PATJ: variants seen among roughly 807,000 people sequenced by gnomAD.
PATJ encodes inaD-like protein.
Under a neutral mutation model 224.9 loss-of-function variants are expected in PATJ, and 190 were observed. The ratio of observed to expected loss-of-function variants is 0.84; its 90% CI spans 0.75 to 0.95. PATJ has a LOEUF of 0.95. Among genes scored for constraint, PATJ ranks in the 40% least tolerant of loss-of-function variants. PATJ has a pLI of 0.00. For missense variants in PATJ, 2,121 were observed against 2,270.3 expected, an observed-to-expected ratio of 0.93 and a Z score of 1.34; for synonymous variants, 769 against 820.3, an observed-to-expected ratio of 0.94 and a Z score of 1.07.
At chr1:61,919,923 A>G (rs1483705974) in intron 26 of PATJ, among the ~76,000 whole-genome samples, 2 of 152,142 alleles carry the variant, frequency 1.3e-5, no homozygotes, top group South Asian at 2.1e-4. Context: ...TATATTTGTG[A>G]TTAAAAAGGA....
Position 62,144,771 on chromosome 1 carries a change from A to ATATATATATATAT in PATJ, c.5272-3513_5272-3512insTATATATATATAT, listed in dbSNP as rs1439255158. Among the ~76,000 whole-genome samples, 687 of 73,212 alleles carry ATATATATATATAT rather than the reference A, an allele frequency of 9.4e-3. 19 individuals carry two copies. Among genetic ancestry groups the ATATATATATATAT allele is most frequent in the African/African-American group, 0.028 (537 of 19,378 alleles). 48.0% of individuals were successfully genotyped at this position (73,212 alleles called of 152,430 possible). A position where few individuals can be genotyped will look rare whatever the true frequency, so the allele number is the denominator to read the frequency against. On this transcript the variant is annotated intron_variant, in intron 41 of 43. Coordinates refer to ENST00000642238, the MANE Select transcript of PATJ (RefSeq NM_001350145.3). ...ATGCTCTAGAATGTTATTTGCAAAA[A>ATATATATATATAT]AAAAAAATATATATATATATATATA...
intron 32 of PATJ, among the ~76,000 whole-genome samples, chr1:62,082,598 A>G (rs1659422011): frequency 6.6e-6 from 1 of 152,098 alleles, no homozygotes; most frequent in Non-Finnish European, 1.5e-5. Flanking sequence ...AGTAGATTGT[A>G]AATATTTTAG....
At chr1:61,871,494 T>TATATATAC (rs1557793473) in intron 20 of PATJ, among the ~76,000 whole-genome samples, 1 of 50,460 alleles carries the variant, frequency 2.0e-5, no homozygotes, top group African/African-American at 7.8e-5. Flanking sequence ...TGTATATATG[T>TATATATAC]ATATATACAT....
At chr1:62,068,325 A>T (rs531819854) in intron 31 of PATJ, among the ~76,000 whole-genome samples, 14 of 152,108 alleles carry the variant, frequency 9.2e-5, no homozygotes, top group African/African-American at 3.1e-4. Flanking sequence ...TTTGTTTGTT[A>T]GTTAGTTTGT....
At chr1:61,945,675 A>G (rs1335681731) in intron 27 of PATJ, among the ~76,000 whole-genome samples, 1 of 152,038 alleles carries the variant, frequency 6.6e-6, no homozygotes, top group Admixed American at 6.6e-5. Flanking sequence ...AAAGTTAACA[A>G]GGATATCCAG....
chr1:62,044,892 G>A (rs1652233525), intron 30 of PATJ, among the ~76,000 whole-genome samples: 1 of 152,260 alleles, frequency 6.6e-6, no homozygotes, highest in Non-Finnish European at 1.5e-5. Flanking sequence ...AAATTATTTT[G>A]TGTGTTTTCT....
intron 29 of PATJ, among the ~76,000 whole-genome samples, chr1:62,031,189 G>A (rs1649210031): frequency 6.6e-6 from 1 of 152,186 alleles, no homozygotes; most frequent in Non-Finnish European, 1.5e-5. Context: ...GGCAGCAGAG[G>A]CTCCTTCTCA....
In PATJ at chr1:61,751,833, T is replaced by A. The variant is rs182076686; in HGVS notation, c.-36+9278T>A. Among the ~76,000 whole-genome samples the A allele has an allele frequency of 4.4e-3, 650 of 147,828 alleles. 3 individuals carry two copies. Among genetic ancestry groups the A allele is most frequent in the African/African-American group, 0.014 (571 of 40,088 alleles). On this transcript the variant is annotated intron_variant, in intron 1 of 43. Coordinates refer to ENST00000642238, the MANE Select transcript of PATJ (RefSeq NM_001350145.3). ...AGAGTGAGACCCTGTCTCAAAAAAA[T>A]AATAATAATAATAAAATAAAAAAGG...
intron 20 of PATJ, among the ~76,000 whole-genome samples, chr1:61,871,862 C>CT (rs371028820): frequency 0.15 from 19,621 of 130,674 alleles, 1,909 homozygotes; most frequent in East Asian, 0.47. Context: ...CCACGTCTGG[C>CT]TTTTTTTTTT....
intron 18 of PATJ, among the ~76,000 whole-genome samples, chr1:61,860,596 G>A (rs1664387190): frequency 6.6e-6 from 1 of 152,102 alleles, no homozygotes; most frequent in Admixed American, 6.6e-5. Context: ...GGCGGAGGCG[G>A]GCAGATCACC....
intron 10 of PATJ, 52 bp from the exon 11 acceptor site, chr1:61,797,235 A>C (rs1378510893): frequency 6.4e-7 from 1 of 1,570,438 alleles, no homozygotes; most frequent in Non-Finnish European, 8.7e-7. Context: ...GCCAGAGCTA[A>C]AAATAGTAGC....
intron 31 of PATJ, among the ~76,000 whole-genome samples, chr1:62,053,111 G>A (rs1302072537): frequency 2.6e-5 from 4 of 152,214 alleles, no homozygotes; most frequent in African/African-American, 9.6e-5. Flanking sequence ...TCCCAAGTAA[G>A]CAACACCAGT....
At chr1:61,792,494 G>A (rs2148515678) in intron 9 of PATJ, among the ~76,000 whole-genome samples, 1 of 152,078 alleles carries the variant, frequency 6.6e-6, no homozygotes, top group African/African-American at 2.4e-5. Flanking sequence ...ATAAAGGAAA[G>A]TATCATTTTA....
intron 14 of PATJ, among the ~76,000 whole-genome samples, chr1:61,813,378 T>TACAC (rs141533164): frequency 3.0e-4 from 14 of 46,358 alleles, no homozygotes; most frequent in East Asian, 1.3e-3. Flanking sequence ...TATATATATA[T>TACAC]ACACACACAC....
At chr1:61,990,060 A>C in intron 27 of PATJ, 108 bp from the exon 28 acceptor site, 1 of 871,826 alleles carries the variant, frequency 1.1e-6, no homozygotes, top group Non-Finnish European at 1.7e-6. Context: ...CTTAAAAAAC[A>C]AAAAAGGTAC....
chr1:61,865,768 T>C (rs1027407785), intron 20 of PATJ, among the ~76,000 whole-genome samples: 1 of 152,214 alleles, frequency 6.6e-6, no homozygotes, highest in Non-Finnish European at 1.5e-5. Context: ...AATATGTTCA[T>C]ATGCAGCGTG....
intron 21 of PATJ, among the ~76,000 whole-genome samples, chr1:61,875,888 TTA>T (rs1667269883): frequency 6.6e-6 from 1 of 152,182 alleles, no homozygotes; most frequent in African/African-American, 2.4e-5. Context: ...ATATCGATTC[TTA>T]TATATGTTTG....
At chr1:62,079,590 A>G (rs781710267) in intron 32 of PATJ, 23 bp downstream of exon 32, 1 of 1,459,626 alleles carries the variant, frequency 6.9e-7, no homozygotes, top group Non-Finnish European at 9.6e-7. Flanking sequence ...CTCTCAGCAG[A>G]TCTGGCTCAT....
chr1:61,774,162 A>G (rs1646790104), intron 6 of PATJ, among the ~76,000 whole-genome samples: 1 of 150,790 alleles, frequency 6.6e-6, no homozygotes. Context: ...GTGGTGGTAC[A>G]TGCCTGTAGT....
Sources: allele counts gnomAD v4.1 joint callset (sites outside exome capture counted in the v4.1 genomes callset), GRCh38; gene constraint gnomAD v4.1.1; transcripts MANE v1.5; gene names NCBI Gene and HGNC (gene_info 2026-07-23, HGNC 2026-07-21).